Variants in DCBLD1 observed in about 807,000 individuals in gnomAD.
DCBLD1 encodes discoidin, CUB and LCCL domain-containing protein 1.
DCBLD1 carries 57 observed loss-of-function variants against 71.5 expected under a neutral mutation model. The observed-to-expected ratio is 0.80, with a 90% confidence interval of 0.64 to 0.99. DCBLD1 has a LOEUF of 0.99. Among genes scored for constraint, DCBLD1 ranks in the 50% least tolerant of loss-of-function variants. The probability of loss-of-function intolerance (pLI) is 0.00; values close to 1 mark genes in which losing one functional copy is unlikely to be tolerated. For synonymous variants in DCBLD1, 380 were observed against 363.8 expected, an observed-to-expected ratio of 1.04 and a Z score of -0.51; for missense variants, 891 against 923.5, an observed-to-expected ratio of 0.96 and a Z score of 0.46.
At chr6:117,569,606 T>G in intron 14 of DCBLD1, 2 of 1,613,238 alleles carry the variant, frequency 1.2e-6, no homozygotes, top group Non-Finnish European at 1.7e-6. Context: ...TTCTTTATGC[T>G]TTGTGTCCCT....
intron 14 of DCBLD1, chr6:117,560,206 C>T (rs1204057854): frequency 1.2e-5 from 2 of 164,426 alleles, no homozygotes; most frequent in Non-Finnish European, 2.7e-5. Flanking sequence ...GTCCTTTGCA[C>T]AGACTTTATG....
chr6:117,500,196 C>T (rs1054194630), intron 1 of DCBLD1, among the ~76,000 whole-genome samples: 2 of 152,154 alleles, frequency 1.3e-5, no homozygotes, highest in Non-Finnish European at 2.9e-5. Flanking sequence ...GTGAAAATTC[C>T]TGATGTAGTT....
At chr6:117,540,442 A>T (rs948783524) in intron 9 of DCBLD1, 2 of 498,936 alleles carry the variant, frequency 4.0e-6, no homozygotes, top group African/African-American at 3.8e-5. Context: ...TAGCTTCTTT[A>T]TCCAAAATGA....
intron 2 of DCBLD1, among the ~76,000 whole-genome samples, chr6:117,505,516 A>G (rs1777810472): frequency 6.6e-6 from 1 of 152,160 alleles, no homozygotes; most frequent in Non-Finnish European, 1.5e-5. Flanking sequence ...CAGTGGAGGA[A>G]TCATTTTGTT....
At chr6:117,484,859 C>G (rs1421765749) in intron 1 of DCBLD1, 8 of 152,164 alleles carry the variant, frequency 5.3e-5, no homozygotes, top group African/African-American at 1.7e-4. Flanking sequence ...TAAAGCTATA[C>G]TGGGTCCTTT....
rs1776928819 is a variant in DCBLD1, at chr6:117,482,705, C to T, written c.-77C>T. On this transcript the variant is annotated 5_prime_UTR_variant, in exon 1 of 15. Transcript: ENST00000338728. ...GCGCCGCGCTCGTCCGCAGAGGAGG[C>T]GGCCCGGCCCGGGCAGCTGCGGCTC... 7 of 1,096,344 alleles carry T rather than the reference C, an allele frequency of 6.4e-6. No individual in the cohort carries two copies. Among genetic ancestry groups the T allele is most frequent in the South Asian group, 4.5e-5 (1 of 22,340 alleles). The allele number at this position is 1,096,344 out of a possible 1,614,324, so 67.9% of individuals were successfully genotyped here. A position where few individuals can be genotyped will look rare whatever the true frequency, so the allele number is the denominator to read the frequency against.
Position 117,547,974 on chromosome 6 carries a change from G to A in DCBLD1, c.1683G>A (p.Met561Ile), listed in dbSNP as rs1583036392. ...VTRKGSTFRP[M>I]DTDAEEAGVS... ...GGAAGGGCTCCACCTTCCGGCCCAT[G>A]GACACGGATGCCGAGGAGGCAGGGG... Residue 561 changes from methionine to isoleucine, a missense_variant, in exon 15 of 15, where the codon ATG becomes ATA. Met to Ile is a conservative substitution (Grantham distance 10). Coordinates refer to ENST00000338728, the MANE Select transcript of DCBLD1 (RefSeq NM_001366458.2). 20 of 1,550,470 alleles carry A rather than the reference G, an allele frequency of 1.3e-5. No homozygotes were observed. The highest frequency in any genetic ancestry group is 2.4e-5 in the East Asian group (1 of 40,914).
intron 6 of DCBLD1, among the ~76,000 whole-genome samples, chr6:117,535,490 T>G (rs952196019): frequency 6.6e-6 from 1 of 152,162 alleles, no homozygotes; most frequent in Non-Finnish European, 1.5e-5. Flanking sequence ...CTTATTAACC[T>G]ATAGAATTCT....
chr6:117,497,555 G>A (rs778798817), intron 1 of DCBLD1, among the ~76,000 whole-genome samples: 34 of 152,278 alleles, frequency 2.2e-4, no homozygotes, highest in Admixed American at 4.6e-4. Context: ...AAGCTAAAAG[G>A]TAGAGACCTA....
chr6:117,516,084 T>A, intron 2 of DCBLD1, among the ~76,000 whole-genome samples: 1 of 152,088 alleles, frequency 6.6e-6, no homozygotes, highest in East Asian at 1.9e-4. Flanking sequence ...TCGGGCGCGG[T>A]GGCTCACACC....
At chr6:117,503,336 A>G (rs1252133127) in intron 1 of DCBLD1, among the ~76,000 whole-genome samples, 5 of 152,198 alleles carry the variant, frequency 3.3e-5, no homozygotes, top group Non-Finnish European at 7.3e-5. Flanking sequence ...TAACAGGAGC[A>G]TTTTCTGTAC....
intron 12 of DCBLD1, among the ~76,000 whole-genome samples, chr6:117,543,525 ACCAT>A (rs1779169541): frequency 6.6e-6 from 1 of 152,118 alleles, no homozygotes; most frequent in Admixed American, 6.5e-5. Context: ...AGCATGTGCC[ACCAT>A]GCCCAGCTAA....
At chr6:117,552,053 G>A (rs1023472233), downstream of DCBLD1, among the ~76,000 whole-genome samples, 4 of 152,180 alleles carry the variant, frequency 2.6e-5, no homozygotes, top group Admixed American at 2.0e-4. Flanking sequence ...CCAGACGGTG[G>A]AGGTTGCAGT....
In DCBLD1 at chr6:117,519,940, C is replaced by T. The variant is rs370954218; in HGVS notation, c.450C>T (p.Ser150=). The T allele has an allele frequency of 1.8e-5, 29 of 1,613,688 alleles. No individual in the cohort carries two copies. The highest frequency in any genetic ancestry group is 1.2e-4 in the South Asian group (11 of 91,046). The part of the protein sequence containing the change: ...GRGFLLTYAS[S]DHPDLITCLE... ...GTTTTTTGCTGACCTATGCGAGCAG[C>T]GACCATCCAGGTATAACGGAAGAAT... Residue 150 remains serine (S), a synonymous_variant, in exon 3 of 15, where the codon AGC becomes AGT. Transcript: ENST00000338728.
intron 2 of DCBLD1, among the ~76,000 whole-genome samples, chr6:117,514,091 T>C (rs1778111713): frequency 6.6e-6 from 1 of 152,232 alleles, no homozygotes; most frequent in South Asian, 2.1e-4. Context: ...AATGCTATCA[T>C]ATTTTTCCAT....
chr6:117,519,503 T>G (rs1339627153), intron 2 of DCBLD1, among the ~76,000 whole-genome samples: 2 of 152,224 alleles, frequency 1.3e-5, no homozygotes, highest in Non-Finnish European at 2.9e-5. Flanking sequence ...GTAATAAAAT[T>G]TTCTTTACTA....
Position 117,497,233 on chromosome 6 carries a change from A to G in DCBLD1, c.113-6534A>G, listed in dbSNP as rs1232594874. Among the ~76,000 whole-genome samples, 5 of 152,272 alleles carry G rather than the reference A, an allele frequency of 3.3e-5. No individual in the cohort carries two copies. The South Asian group carries it at 6.2e-4, about 19-fold the overall frequency. Reference sequence around the variant, plus strand: ...AAAGTATATTTGCACTGTTCAATTTACTCCACCCAAATCATTTTCCAACAA... The same window carrying G: ...AAAGTATATTTGCACTGTTCAATTTGCTCCACCCAAATCATTTTCCAACAA... On this transcript the variant is annotated intron_variant, in intron 1 of 14. Transcript: ENST00000338728.
chr6:117,555,051 G>A (rs1056011627), intron 14 of DCBLD1, among the ~76,000 whole-genome samples: 1 of 152,168 alleles, frequency 6.6e-6, no homozygotes, highest in African/African-American at 2.4e-5. Flanking sequence ...ACGTTTAGTA[G>A]CATTGCCCTG....
intron 14 of DCBLD1, among the ~76,000 whole-genome samples, chr6:117,557,922 C>A (rs1047054364): frequency 6.6e-6 from 1 of 152,156 alleles, no homozygotes; most frequent in Non-Finnish European, 1.5e-5. Context: ...AGGATTTAGC[C>A]CTAGTTACAG....
Sources: allele counts gnomAD v4.1 joint callset (sites outside exome capture counted in the v4.1 genomes callset), GRCh38; gene constraint gnomAD v4.1.1; transcripts MANE v1.5; gene names NCBI Gene and HGNC (gene_info 2026-07-23, HGNC 2026-07-21).